The following CD46 variants were observed in gnomAD, a reference collection of about 807,000 sequenced individuals.
CD46 encodes CD46 molecule.
CD46 carries 30 observed loss-of-function variants against 53.3 expected under a neutral mutation model. That is an observed-to-expected ratio of 0.56 (90% CI 0.42 to 0.76). CD46 has a LOEUF of 0.76. Ranked by LOEUF, CD46 falls within the 30% of genes least tolerant of loss-of-function variation. CD46 has a pLI of 0.00. For synonymous variants in CD46, 142 were observed against 152.0 expected, an observed-to-expected ratio of 0.93 and a Z score of 0.48; for missense variants, 409 against 463.0, an observed-to-expected ratio of 0.88 and a Z score of 1.07.
At position 207,767,919 on chromosome 1, in the gene CD46, T is replaced by G. The variant is rs192360486; in HGVS notation, c.901+96T>G. On this transcript the variant is annotated intron_variant, in intron 7 of 12. Coordinates refer to ENST00000367042, the MANE Select transcript of CD46 (RefSeq NM_172351.3). The stretch of plus-strand genomic sequence containing the variant: ...CAAATTTCTGGTGATGTTCACTTAT[T>G]TTTAGTAATGAAAGGAGGGAGGACA... The G allele has an allele frequency of 1.3e-4, 130 of 1,004,808 alleles. 1 individual carries two copies. In the East Asian group the frequency reaches 2.7e-3, roughly 21 times the overall value. 62.2% of individuals were successfully genotyped at this position (1,004,808 alleles called of 1,614,324 possible).
chr1:207,767,182 A>G lies in CD46; in HGVS notation c.843A>G (p.Pro281=). The G allele has an allele frequency of 6.2e-7, 1 of 1,613,102 alleles. No homozygotes were observed. Among genetic ancestry groups the G allele is most frequent in the Admixed American group, 1.7e-5 (1 of 60,036 alleles). ...ACAGTACTTGGGATCCCCCAGTTCC[A>G]AAGTGTCTTAAAGGTACAAAGGTTA... ...DSNSTWDPPV[P]KCLKVSTSST... The change falls in exon 6 of 13, where the codon CCA becomes CCG. Residue 281 remains proline, a synonymous_variant. Transcript: ENST00000367042.
At chr1:207,775,672 T>C (rs2724381) in intron 8 of CD46, among the ~76,000 whole-genome samples, 93,518 of 152,004 alleles carry the variant, frequency 0.62, 29,148 homozygotes, top group East Asian at 0.91. Flanking sequence ...CCCTGTTTTC[T>C]TGAGTATCAC....
At chr1:207,764,463 C>T (rs543323311) in intron 5 of CD46, among the ~76,000 whole-genome samples, 2 of 152,322 alleles carry the variant, frequency 1.3e-5, no homozygotes, top group African/African-American at 4.8e-5. Flanking sequence ...TCCTTCCTCA[C>T]GTCCACCCCG....
At chr1:207,778,625 A>G (rs1398900851) in intron 8 of CD46, among the ~76,000 whole-genome samples, 5 of 152,076 alleles carry the variant, frequency 3.3e-5, no homozygotes, top group African/African-American at 4.8e-5. Context: ...TAGGCTCTCT[A>G]TTCTGTTCCA....
intron 8 of CD46, 51 bp from the exon 9 acceptor site, chr1:207,783,241 A>G: frequency 1.1e-5 from 10 of 903,784 alleles, no homozygotes; most frequent in Non-Finnish European, 1.6e-5. Flanking sequence ...CTTTATATTT[A>G]ATTCTTTCCT....
chr1:207,787,347 C>A (rs1294757491), intron 11 of CD46, among the ~76,000 whole-genome samples: 1 of 152,194 alleles, frequency 6.6e-6, no homozygotes, highest in Admixed American at 6.5e-5. Flanking sequence ...GCTAGGATTA[C>A]AGGCATGAGC....
At chr1:207,786,068 T>C (rs2102692018) in intron 11 of CD46, 1 of 189,804 alleles carries the variant, frequency 5.3e-6, no homozygotes, top group East Asian at 1.3e-4. Context: ...ACTTTGACAG[T>C]TGTATTCACT....
intron 3 of CD46, among the ~76,000 whole-genome samples, chr1:207,758,683 A>G (rs536625570): frequency 6.6e-6 from 1 of 152,338 alleles, no homozygotes; most frequent in South Asian, 2.1e-4. Flanking sequence ...ACACCATAAT[A>G]TAGAAAAAGT....
At chr1:207,766,348 A>T (rs953087817) in intron 5 of CD46, among the ~76,000 whole-genome samples, 2 of 152,212 alleles carry the variant, frequency 1.3e-5, no homozygotes, top group Non-Finnish European at 2.9e-5. Context: ...GTACAATTAG[A>T]CACAACAAAA....
At chr1:207,770,769 A>G (rs11118557) in intron 8 of CD46, among the ~76,000 whole-genome samples, 13,441 of 152,242 alleles carry the variant, frequency 0.088, 700 homozygotes, top group Middle Eastern at 0.15. Flanking sequence ...TCCATGGTGT[A>G]TATGTGCCAC....
chr1:207,759,861 T>C (rs1232070222), intron 4 of CD46, 137 bp downstream of exon 4: 2 of 609,958 alleles, frequency 3.3e-6, no homozygotes, highest in Admixed American at 3.2e-5. Context: ...TTGGTATTTA[T>C]CATATTGGAA....
chr1:207,788,423 G>A (rs367649819), intron 11 of CD46, among the ~76,000 whole-genome samples: 2 of 151,942 alleles, frequency 1.3e-5, no homozygotes, highest in African/African-American at 4.8e-5. Context: ...GGAGGCTGAG[G>A]CAGGAGAATG....
chr1:207,792,292 T>TAAAGA (rs557959225), intron 12 of CD46, among the ~76,000 whole-genome samples: 1 of 151,284 alleles, frequency 6.6e-6, no homozygotes, highest in Non-Finnish European at 1.5e-5. Context: ...GGAAAAAAAA[T>TAAAGA]AAAGAAAAGA....
intron 8 of CD46, among the ~76,000 whole-genome samples, chr1:207,776,509 A>C (rs766650076): frequency 2.6e-5 from 4 of 152,332 alleles, no homozygotes; most frequent in Admixed American, 2.0e-4. Context: ...TTTTTACTTA[A>C]AATTTTTTTA....
intron 11 of CD46, 121 bp downstream of exon 11, chr1:207,785,803 T>C (rs969975544): frequency 4.4e-6 from 3 of 675,624 alleles, no homozygotes; most frequent in Non-Finnish European, 7.9e-6. Context: ...AAAAAATGCC[T>C]GCATTAGTTT....
intron 8 of CD46, among the ~76,000 whole-genome samples, chr1:207,780,261 T>G (rs1460824797): frequency 6.6e-6 from 1 of 152,126 alleles, no homozygotes; most frequent in Non-Finnish European, 1.5e-5. Context: ...ATAATTATAA[T>G]AAGTGGAGTC....
chr1:207,795,160 T>C lies in CD46; in HGVS notation c.*1683T>C, dbSNP rs1460325722. ...TAATGGTGTTTTTTAGAAACCTAATTGAAGTATATTCAACCAAATACTTTA... is the reference window on the plus strand; with the variant it reads ...TAATGGTGTTTTTTAGAAACCTAATCGAAGTATATTCAACCAAATACTTTA... On this transcript the variant is annotated 3_prime_UTR_variant, in exon 13 of 13. Transcript: ENST00000367042. The C allele has an allele frequency of 6.6e-6, 1 of 152,242 alleles. No homozygotes were observed. Among genetic ancestry groups the C allele is most frequent in the Non-Finnish European group, 1.5e-5 (1 of 68,040 alleles). 9.4% of individuals were successfully genotyped at this position (152,242 alleles called of 1,614,324 possible). A position where few individuals can be genotyped will look rare whatever the true frequency, so the allele number is the denominator to read the frequency against.
chr1:207,752,351 G>C lies in CD46; in HGVS notation c.97+42G>C, dbSNP rs372942862. ...GGTTCGCGCGTCCGCGGCGAGACTA[G>C]AGCTCTCCTCAGTCGGGCAAGAGTC... On this transcript the variant is annotated intron_variant, in intron 1 of 12. Coordinates refer to ENST00000367042, the MANE Select transcript of CD46 (RefSeq NM_172351.3). The surrounding 1 kb of genome is among the most constrained non-coding windows in gnomAD (Gnocchi z 4.1). 14 of 1,570,130 alleles carry C rather than the reference G, an allele frequency of 8.9e-6. No individual in the cohort carries two copies. Among genetic ancestry groups the C allele is most frequent in the African/African-American group, 4.1e-5 (3 of 74,028 alleles).
chr1:207,754,086 G>T (rs1571568037), intron 1 of CD46, among the ~76,000 whole-genome samples: 5 of 152,304 alleles, frequency 3.3e-5, no homozygotes, highest in Admixed American at 3.3e-4. Flanking sequence ...AAAATGTATT[G>T]GGATTGGCAG....
Sources: gnomAD v4.1 joint callset for allele counts (sites outside exome capture counted in the v4.1 genomes callset) on GRCh38, gnomAD v4.1.1 for gene constraint, Gnocchi (gnomAD v3.1) non-coding constraint, MANE v1.5 for transcripts, NCBI Gene and HGNC (gene_info 2026-07-23, HGNC 2026-07-21) for gene names.